The following WWOX variants were observed in gnomAD, a reference collection of about 807,000 sequenced individuals.
WWOX encodes the protein WW domain-containing oxidoreductase.
A neutral mutation model predicts 46.2 loss-of-function variants in WWOX; 69 were observed. The ratio of observed to expected loss-of-function variants is 1.49; its 90% CI spans 1.23 to 1.82. WWOX has a LOEUF of 1.82. WWOX is among the 40% of genes most tolerant of loss of function. The pLI, the probability that WWOX is intolerant of heterozygous loss-of-function variation, is 0.00. For synonymous variants in WWOX, 359 were observed against 202.6 expected (o/e 1.77, Z -6.56); for missense variants, 919 against 542.6 (o/e 1.69, Z -6.89).
intron 8 of WWOX, among the ~76,000 whole-genome samples, chr16:78,505,631 C>T (rs58810204): frequency 0.021 from 3,191 of 152,250 alleles, 87 homozygotes; most frequent in African/African-American, 0.064. Flanking sequence ...TTCTGGCTTG[C>T]TCCAAACTCA....
intron 5 of WWOX, among the ~76,000 whole-genome samples, chr16:78,185,753 A>G (rs1451823295): frequency 1.3e-5 from 2 of 152,104 alleles, no homozygotes; most frequent in East Asian, 3.9e-4. Context: ...TGCAGTCTCC[A>G]TCTCCCAGGT....
At chr16:78,536,198 A>G (rs1371902166) in intron 8 of WWOX, among the ~76,000 whole-genome samples, 1 of 152,088 alleles carries the variant, frequency 6.6e-6, no homozygotes, top group Non-Finnish European at 1.5e-5. Context: ...CATGGGTGTA[A>G]TTTGGTGCCA....
At chr16:78,729,172 A>G (rs1205075745) in intron 8 of WWOX, among the ~76,000 whole-genome samples, 3 of 151,540 alleles carry the variant, frequency 2.0e-5, no homozygotes, top group African/African-American at 7.3e-5. Flanking sequence ...GTGAAACCTT[A>G]TCCGTAAAAA....
intron 8 of WWOX, among the ~76,000 whole-genome samples, chr16:78,831,539 A>C (rs2151158195): frequency 6.6e-6 from 1 of 152,316 alleles, no homozygotes. Context: ...GCCCGGGTGC[A>C]CAAAGCCAGC....
intron 8 of WWOX, among the ~76,000 whole-genome samples, chr16:78,493,427 C>T (rs1402885755): frequency 6.6e-6 from 1 of 152,206 alleles, no homozygotes; most frequent in Non-Finnish European, 1.5e-5. Flanking sequence ...ACATATCAGT[C>T]ACATCAAGCT....
chr16:78,845,397 C>G (rs1042730313), intron 8 of WWOX, among the ~76,000 whole-genome samples: 1 of 152,168 alleles, frequency 6.6e-6, no homozygotes, highest in Non-Finnish European at 1.5e-5. Context: ...GAGAAGTTTT[C>G]CATTCCAAAC....
intron 5 of WWOX, among the ~76,000 whole-genome samples, chr16:78,314,027 C>G (rs923137031): frequency 1.3e-5 from 2 of 152,160 alleles, no homozygotes; most frequent in African/African-American, 4.8e-5. Context: ...CTTTCTGTGC[C>G]TCACACATCT....
intron 8 of WWOX, among the ~76,000 whole-genome samples, chr16:79,036,837 C>G (rs145393280): frequency 1.3e-5 from 2 of 152,118 alleles, no homozygotes. Context: ...ATGTTAGCAT[C>G]AGGTATTTTA....
At chr16:78,863,519 C>T (rs1011640376) in intron 8 of WWOX, among the ~76,000 whole-genome samples, 2 of 152,198 alleles carry the variant, frequency 1.3e-5, no homozygotes, top group Non-Finnish European at 2.9e-5. Flanking sequence ...TTTAGTGTCA[C>T]AGCTCAAAAC....
At chr16:78,651,944 G>C (rs987123318) in intron 8 of WWOX, among the ~76,000 whole-genome samples, 3 of 152,070 alleles carry the variant, frequency 2.0e-5, no homozygotes, top group Non-Finnish European at 4.4e-5. Flanking sequence ...GCAGGCACAG[G>C]GATGGTTGCC....
intron 8 of WWOX, among the ~76,000 whole-genome samples, chr16:78,718,092 G>GGTTTTTTTTTT (rs1555522406): frequency 2.9e-5 from 4 of 139,612 alleles, no homozygotes; most frequent in Non-Finnish European, 3.0e-5. Flanking sequence ...GGTTCTGGTG[G>GGTTTTTTTTTT]TTGTATTTTT....
chr16:79,201,727 C>CT (rs1483306567), intron 8 of WWOX, among the ~76,000 whole-genome samples: 1 of 104,498 alleles, frequency 9.6e-6, no homozygotes, highest in African/African-American at 2.7e-5. Flanking sequence ...TACTTTTTTC[C>CT]TGTTTTTTTT....
At chr16:78,477,892 A>G (rs555536323) in intron 8 of WWOX, among the ~76,000 whole-genome samples, 1 of 152,326 alleles carries the variant, frequency 6.6e-6, no homozygotes, top group South Asian at 2.1e-4. Context: ...GAGGAAGTAT[A>G]AAAGATATGG....
chr16:78,457,409 T>G (rs577807604), intron 8 of WWOX, among the ~76,000 whole-genome samples: 1 of 152,212 alleles, frequency 6.6e-6, no homozygotes, highest in Non-Finnish European at 1.5e-5. Flanking sequence ...CAACCAGGTA[T>G]TGCTTCGTGT....
chr16:78,779,407 A>T (rs774203261), intron 8 of WWOX, among the ~76,000 whole-genome samples: 1 of 152,094 alleles, frequency 6.6e-6, no homozygotes, highest in African/African-American at 2.4e-5. Flanking sequence ...TCAGCTTGAC[A>T]TTACAGGTAA....
rs149887888 is a variant in WWOX at position 78,465,962 on chromosome 16, C to T, written c.1056+33210C>T. On this transcript the variant is annotated intron_variant, in intron 8 of 8. Transcript: ENST00000566780. ...AAATTCATAAAGACAGAATACGCAT[C>T]GGTGGTTTCTGGGGCGGCGGGGAGT... 3.3e-3 allele frequency among the ~76,000 whole-genome samples: 509 copies of T among 152,144 alleles called. 2 individuals carry two copies. Among genetic ancestry groups the T allele is most frequent in the African/African-American group, 0.012 (484 of 41,514 alleles).
intron 8 of WWOX, among the ~76,000 whole-genome samples, chr16:79,195,232 T>G (rs1379120668): frequency 1.3e-5 from 2 of 152,214 alleles, no homozygotes; most frequent in East Asian, 3.9e-4. Context: ...GTAGGAAGAT[T>G]ACTGGGGAGT....
At chr16:79,078,705 A>G (rs1224962744) in intron 8 of WWOX, among the ~76,000 whole-genome samples, 1 of 152,190 alleles carries the variant, frequency 6.6e-6, no homozygotes, top group East Asian at 1.9e-4. Context: ...GGATAAAGGG[A>G]GATTTAACAG....
intron 8 of WWOX, among the ~76,000 whole-genome samples, chr16:79,003,587 A>G (rs1166928110): frequency 3.3e-5 from 5 of 152,158 alleles, no homozygotes; most frequent in Non-Finnish European, 7.4e-5. Context: ...TCCAGTTGGC[A>G]GGAGAGCTGG....
Sources: gnomAD v4.1 joint callset for allele counts (sites outside exome capture counted in the v4.1 genomes callset) on GRCh38, gnomAD v4.1.1 for gene constraint, MANE v1.5 for transcripts, NCBI Gene and HGNC (gene_info 2026-07-23, HGNC 2026-07-21) for gene names.